HNRNPD: variants seen among roughly 807,000 people sequenced by gnomAD.
HNRNPD encodes the protein heterogeneous nuclear ribonucleoprotein D.
In HNRNPD, 3 loss-of-function variants were observed where a neutral mutation model predicts 47.9. The observed-to-expected ratio is 0.06, with a 90% CI of 0.03 to 0.16. The LOEUF is 0.16. Among genes scored for constraint, HNRNPD ranks in the 10% least tolerant of loss-of-function variants. The pLI is 1.00. For synonymous variants in HNRNPD, 171 were observed against 165.1 expected, an observed-to-expected ratio of 1.04 and a Z score of -0.28; for missense variants, 287 against 454.2, an observed-to-expected ratio of 0.63 and a Z score of 3.35.
chr4:82,373,636 C>T lies in HNRNPD; in HGVS notation c.43G>A (p.Ala15Thr), dbSNP rs1395668208. The change falls in exon 1 of 9, where the codon GCA (alanine) becomes ACA (threonine). Residue 15 changes from alanine (A) to threonine (T), a missense_variant. Coordinates refer to ENST00000313899, the MANE Select transcript of HNRNPD (RefSeq NM_031370.3). Reference sequence around the variant, plus strand: ...GCCGAGCCGCCTACCGCCGCCGTTGCCGCTGCCGCCGCCCCGTCCCCGCCG... The same window carrying T: ...GCCGAGCCGCCTACCGCCGCCGTTGTCGCTGCCGCCGCCCCGTCCCCGCCG... ...QFGGDGAAAA[A>T]TAAVGGSAGE... 6.6e-7 allele frequency: 1 copy of T among 1,526,212 alleles called. No individual in the cohort carries two copies. Among genetic ancestry groups the T allele is most frequent in the Non-Finnish European group, 8.7e-7 (1 of 1,142,884 alleles). The allele number at this position is 1,526,212 out of a possible 1,614,324, so 94.5% of individuals were successfully genotyped here. A position where few individuals can be genotyped will look rare whatever the true frequency, so the allele number is the denominator to read the frequency against.
chr4:82,369,142 G>A (rs1449789604), intron 2 of HNRNPD, among the ~76,000 whole-genome samples: 2 of 152,196 alleles, frequency 1.3e-5, no homozygotes. Context: ...CCCTCAGAGA[G>A]CTTGCTACAT....
intron 2 of HNRNPD, among the ~76,000 whole-genome samples, chr4:82,370,045 G>C (rs1719961387): frequency 6.6e-6 from 1 of 152,150 alleles, no homozygotes; most frequent in Non-Finnish European, 1.5e-5. Context: ...TGGAGGCTGA[G>C]GCAGGAGAAT....
intron 1 of HNRNPD, 57 bp downstream of exon 1, chr4:82,373,389 T>A (rs553996350): frequency 2.1e-6 from 3 of 1,454,326 alleles, no homozygotes; most frequent in Admixed American, 2.4e-5. Context: ...GGCGGGGGAA[T>A]AAAGAGGGGG....
intron 2 of HNRNPD, among the ~76,000 whole-genome samples, chr4:82,363,574 G>A (rs1205999415): frequency 2.6e-5 from 4 of 152,164 alleles, no homozygotes; most frequent in Non-Finnish European, 5.9e-5. Context: ...TGTTCAACTA[G>A]CAACAAAGAT....
chr4:82,371,641 C>CCCTA, intron 1 of HNRNPD, 57 bp from the exon 2 acceptor site: 2 of 1,422,904 alleles, frequency 1.4e-6, no homozygotes, highest in Non-Finnish European at 2.0e-6. Context: ...TAGTTTTTGA[C>CCCTA]ACTGTTAGGG....
chr4:82,360,305 T>C, intron 2 of HNRNPD, among the ~76,000 whole-genome samples: 1 of 152,074 alleles, frequency 6.6e-6, no homozygotes, highest in East Asian at 1.9e-4. Flanking sequence ...TATTTAAGCC[T>C]TTAAAATGCA....
At chr4:82,371,639 G>C (rs959960972) in intron 1 of HNRNPD, 55 bp from the exon 2 acceptor site, 1 of 1,427,670 alleles carries the variant, frequency 7.0e-7, no homozygotes, top group African/African-American at 1.4e-5. Flanking sequence ...TTTAGTTTTT[G>C]ACACTGTTAG....
chr4:82,360,516 T>C (rs1310594606), intron 2 of HNRNPD, among the ~76,000 whole-genome samples: 2 of 152,122 alleles, frequency 1.3e-5, no homozygotes, highest in African/African-American at 2.4e-5. Context: ...TACCTAACCT[T>C]CTTTCTACCC....
chr4:82,360,900 TA>T (rs1486725009), intron 2 of HNRNPD, among the ~76,000 whole-genome samples: 1 of 152,212 alleles, frequency 6.6e-6, no homozygotes, highest in African/African-American at 2.4e-5. Flanking sequence ...GTTTTACTTC[TA>T]GTGACAAAGC....
intron 2 of HNRNPD, among the ~76,000 whole-genome samples, chr4:82,368,310 G>A (rs1235764328): frequency 1.3e-5 from 2 of 152,030 alleles, no homozygotes; most frequent in South Asian, 4.2e-4. Context: ...TATTAGGGCA[G>A]CCTTACCCTA....
intron 6 of HNRNPD, 33 bp from the exon 7 acceptor site, chr4:82,356,716 A>C (rs375485949): frequency 3.7e-6 from 6 of 1,613,406 alleles, no homozygotes; most frequent in Non-Finnish European, 4.2e-6. Flanking sequence ...CTAAAGTCAG[A>C]AGATCAGCAA....
intron 2 of HNRNPD, among the ~76,000 whole-genome samples, chr4:82,368,631 C>T (rs1719881564): frequency 1.3e-5 from 2 of 152,150 alleles, no homozygotes; most frequent in South Asian, 4.1e-4. Context: ...GGAAATTTGT[C>T]AAAGGCTCCC....
rs1723572673 is a variant in HNRNPD, at chr4:82,353,175, TCTTCAGTTTCA to T, written c.*999_*1009del. 1 of 152,206 alleles carries T rather than the reference TCTTCAGTTTCA, an allele frequency of 6.6e-6. No individual in the cohort carries two copies. Among genetic ancestry groups the T allele is most frequent in the Admixed American group, 6.5e-5 (1 of 15,276 alleles). 9.4% of individuals were successfully genotyped at this position (152,206 alleles called of 1,614,324 possible). ...TTAATCCTATAGTTATCACTTAGAC[TCTTCAGTTTCA>T]CTTTCTTAAGAGTGACTCAAAAAGT... On this transcript the variant is annotated 3_prime_UTR_variant, in exon 9 of 9. Transcript: ENST00000313899.
intron 2 of HNRNPD, among the ~76,000 whole-genome samples, chr4:82,368,000 C>T (rs1258778504): frequency 6.6e-6 from 1 of 152,204 alleles, no homozygotes; most frequent in Non-Finnish European, 1.5e-5. Flanking sequence ...AGATCCCACG[C>T]TTTCAGCATC....
At chr4:82,373,237 G>T in intron 1 of HNRNPD, 1 of 746,352 alleles carries the variant, frequency 1.3e-6, no homozygotes, top group Non-Finnish European at 2.3e-6. Flanking sequence ...GGAAACGTGT[G>T]TGATGGGGGA....
rs1344638826 is a variant in HNRNPD, at chr4:82,373,633, T to TTGCCGC, written c.40_45dup (p.Ala14_Ala15dup). ...CCCGCCGAGCCGCCTACCGCCGCCG[T>TTGCCGC]TGCCGCTGCCGCCGCCCCGTCCCCG... On this transcript the variant is annotated inframe_insertion, in exon 1 of 9. Transcript: ENST00000313899. 2.0e-6 allele frequency: 3 copies of TTGCCGC among 1,526,176 alleles called. No individual in the cohort carries two copies. The highest frequency in any genetic ancestry group is 2.5e-5 in the East Asian group (1 of 39,490). The allele number at this position is 1,526,176 out of a possible 1,614,324, so 94.5% of individuals were successfully genotyped here.
intron 2 of HNRNPD, among the ~76,000 whole-genome samples, chr4:82,367,513 A>AT (rs1162786945): frequency 1.3e-5 from 2 of 152,208 alleles, no homozygotes; most frequent in African/African-American, 4.8e-5. Context: ...ATTCCATGAC[A>AT]TTGTCTGTTG....
chr4:82,372,598 C>A (rs889924922), intron 1 of HNRNPD, among the ~76,000 whole-genome samples: 1 of 152,092 alleles, frequency 6.6e-6, no homozygotes, highest in African/African-American at 2.4e-5. Context: ...AGTTGGGGAA[C>A]CCAATAGCTG....
At position 82,373,744 on chromosome 4, in the gene HNRNPD, G is replaced by A. The variant is rs1433593949; in HGVS notation, c.-66C>T. On this transcript the variant is annotated 5_prime_UTR_variant, in exon 1 of 9. Transcript: ENST00000313899. ...CCGCTGCCGCGAACCGAAACTAGCAGCAAAGTAATCCCCGCCGCTGCCGCG... is the reference window on the plus strand; with the variant it reads ...CCGCTGCCGCGAACCGAAACTAGCAACAAAGTAATCCCCGCCGCTGCCGCG... 5.2e-6 allele frequency: 8 copies of A among 1,526,644 alleles called. No homozygotes were observed. The highest frequency in any genetic ancestry group is 2.0e-5 in the Admixed American group (1 of 50,538). 94.6% of individuals were successfully genotyped at this position (1,526,644 alleles called of 1,614,324 possible).
Sources: allele counts gnomAD v4.1 joint callset (sites outside exome capture counted in the v4.1 genomes callset), GRCh38; gene constraint gnomAD v4.1.1; transcripts MANE v1.5; gene names NCBI Gene and HGNC (gene_info 2026-07-23, HGNC 2026-07-21).